The following FER variants were observed in gnomAD, a reference collection of about 807,000 sequenced individuals.
The protein encoded by FER is FER tyrosine kinase, also known as tyrosine-protein kinase Fer.
Under a neutral mutation model 111.0 loss-of-function variants are expected in FER, and 63 were observed. The ratio of observed to expected loss-of-function variants is 0.57; its 90% CI spans 0.46 to 0.70. FER has a LOEUF of 0.70. Among genes scored for constraint, FER ranks in the 30% least tolerant of loss-of-function variants. FER has a pLI of 0.00. For synonymous variants in FER, 327 were observed against 313.9 expected, an observed-to-expected ratio of 1.04 and a Z score of -0.44; for missense variants, 914 against 954.0, an observed-to-expected ratio of 0.96 and a Z score of 0.55.
chr5:109,047,728 C>T (rs551436925), intron 16 of FER, among the ~76,000 whole-genome samples: 1 of 152,148 alleles, frequency 6.6e-6, no homozygotes, highest in African/African-American at 2.4e-5. Flanking sequence ...AGCCGCAGCA[C>T]CCTGCAAAAC....
chr5:108,877,306 T>A (rs1346354943), intron 8 of FER, among the ~76,000 whole-genome samples: 1 of 152,170 alleles, frequency 6.6e-6, no homozygotes, highest in Non-Finnish European at 1.5e-5. Flanking sequence ...TTGGAAAGAT[T>A]TGGAAAAATG....
At chr5:108,912,239 A>G (rs1202435288) in intron 10 of FER, among the ~76,000 whole-genome samples, 1 of 152,198 alleles carries the variant, frequency 6.6e-6, no homozygotes, top group Non-Finnish European at 1.5e-5. Flanking sequence ...TTAGCCTTGT[A>G]GTATAATTTA....
chr5:108,840,809 A>C (rs556350394), intron 5 of FER, among the ~76,000 whole-genome samples: 2 of 152,280 alleles, frequency 1.3e-5, no homozygotes, highest in South Asian at 2.1e-4. Context: ...TTCTTTAGTC[A>C]AGTAGTGACT....
chr5:108,841,095 C>G (rs1025101903), intron 5 of FER, among the ~76,000 whole-genome samples: 3 of 152,128 alleles, frequency 2.0e-5, no homozygotes, highest in Admixed American at 6.5e-5. Flanking sequence ...AAAACAATTC[C>G]AAAAGCTTTG....
intron 2 of FER, among the ~76,000 whole-genome samples, chr5:108,769,543 T>C (rs1411593250): frequency 6.6e-6 from 1 of 152,154 alleles, no homozygotes; most frequent in Non-Finnish European, 1.5e-5. Context: ...GAAAGGAAAG[T>C]GAAAGCTGGC....
At chr5:108,769,303 G>GT (rs989186784) in intron 2 of FER, among the ~76,000 whole-genome samples, 1 of 152,128 alleles carries the variant, frequency 6.6e-6, no homozygotes, top group Non-Finnish European at 1.5e-5. Context: ...GAAGGGAGTA[G>GT]TTTTTGATTG....
At chr5:108,964,744 G>A (rs886842071) in intron 13 of FER, among the ~76,000 whole-genome samples, 1 of 152,118 alleles carries the variant, frequency 6.6e-6, no homozygotes, top group Non-Finnish European at 1.5e-5. Context: ...TGAAACAAAA[G>A]ATTTATGTTT....
chr5:108,787,761 A>C (rs1017669204), intron 2 of FER, among the ~76,000 whole-genome samples: 1 of 152,140 alleles, frequency 6.6e-6, no homozygotes, highest in Non-Finnish European at 1.5e-5. Context: ...TGTGGAAAGG[A>C]GCTGCCCACT....
At chr5:109,136,655 A>G (rs1008687184) in intron 17 of FER, among the ~76,000 whole-genome samples, 8 of 152,190 alleles carry the variant, frequency 5.3e-5, no homozygotes, top group Non-Finnish European at 1.2e-4. Context: ...ACCATTTTAT[A>G]GATTAAAGAA....
intron 5 of FER, among the ~76,000 whole-genome samples, chr5:108,849,453 T>TG (rs1170679662): frequency 2.0e-3 from 297 of 145,070 alleles, no homozygotes; most frequent in Middle Eastern, 0.011. Context: ...CTGGTGGTGG[T>TG]TTTGTTGTTG....
chr5:108,749,964 G>T (rs1478822134), intron 1 of FER, among the ~76,000 whole-genome samples: 1 of 152,188 alleles, frequency 6.6e-6, no homozygotes, highest in Admixed American at 6.5e-5. Flanking sequence ...CTAATAATTT[G>T]TTACGGCTGG....
chr5:108,885,708 A>C (rs867715948), intron 9 of FER, among the ~76,000 whole-genome samples: 1 of 151,544 alleles, frequency 6.6e-6, no homozygotes, highest in Non-Finnish European at 1.5e-5. Context: ...AAAGGCCCCC[A>C]CCTCCTAATA....
chr5:108,774,009 G>C (rs931040457), intron 2 of FER, among the ~76,000 whole-genome samples: 1 of 152,018 alleles, frequency 6.6e-6, no homozygotes, highest in Non-Finnish European at 1.5e-5. Context: ...TGCCATGGTG[G>C]TTTGCCGCAC....
chr5:109,019,045 C>T (rs564728152), intron 13 of FER, among the ~76,000 whole-genome samples: 278 of 151,278 alleles, frequency 1.8e-3, no homozygotes, highest in African/African-American at 6.5e-3. Context: ...TCAAAAGATA[C>T]AAGCAGAAAC....
intron 17 of FER, among the ~76,000 whole-genome samples, chr5:109,114,768 A>T (rs1361195924): frequency 6.6e-6 from 1 of 152,052 alleles, no homozygotes; most frequent in Non-Finnish European, 1.5e-5. Context: ...GAACAAAAGC[A>T]TCCCTCTTCT....
At chr5:108,916,853 T>G (rs1241874336) in intron 10 of FER, among the ~76,000 whole-genome samples, 1 of 152,160 alleles carries the variant, frequency 6.6e-6, no homozygotes, top group African/African-American at 2.4e-5. Context: ...TAGAATCATA[T>G]AGACTTTTTG....
chr5:108,839,754 T>C (rs896526581), intron 5 of FER, among the ~76,000 whole-genome samples: 1 of 151,898 alleles, frequency 6.6e-6, no homozygotes, highest in Non-Finnish European at 1.5e-5. Flanking sequence ...ATTTTTTGTA[T>C]TTTTAGTAGA....
chr5:108,845,007 T>C (rs184647179), intron 5 of FER, among the ~76,000 whole-genome samples: 204 of 28,124 alleles, frequency 7.3e-3, no homozygotes, highest in Non-Finnish European at 0.013. Flanking sequence ...TATATATATA[T>C]ATATATATAT....
chr5:108,860,180 A>G (rs189816031), intron 5 of FER, among the ~76,000 whole-genome samples: 1,849 of 151,838 alleles, frequency 0.012, 29 homozygotes, highest in Non-Finnish European at 0.019. Flanking sequence ...TGACCTCATG[A>G]TCCTTCCACC....
Sources: gnomAD v4.1 joint callset for allele counts (sites outside exome capture counted in the v4.1 genomes callset) on GRCh38, gnomAD v4.1.1 for gene constraint, MANE v1.5 for transcripts, NCBI Gene and HGNC (gene_info 2026-07-23, HGNC 2026-07-21) for gene names.